XIRP2: variants seen among roughly 807,000 people sequenced by gnomAD.
XIRP2 encodes the protein xin actin binding repeat containing 2.
A neutral mutation model predicts 277.0 loss-of-function variants in XIRP2; 236 were observed. That is an observed-to-expected ratio of 0.85 (90% CI 0.77 to 0.95). The LOEUF is 0.95. XIRP2 is among the 40% of genes least tolerant of loss of function. XIRP2 has a pLI of 0.00. For synonymous variants in XIRP2, 1,490 were observed against 1,416.5 expected (o/e 1.05, Z -1.17); for missense variants, 4,640 against 4,157.5 (o/e 1.12, Z -3.19).
At chr2:167,257,222 G>A (rs939870367) in intron 10 of XIRP2, among the ~76,000 whole-genome samples, 3 of 151,892 alleles carry the variant, frequency 2.0e-5, no homozygotes, top group Non-Finnish European at 4.4e-5. Flanking sequence ...TTTCTCCTTA[G>A]TTCTTTGTAT....
At chr2:167,127,691 C>T (rs1265083373) in intron 2 of XIRP2, among the ~76,000 whole-genome samples, 2 of 152,168 alleles carry the variant, frequency 1.3e-5, no homozygotes, top group African/African-American at 4.8e-5. Context: ...GACGTATTCA[C>T]CTGGATGTCT....
At chr2:167,090,864 A>G (rs1257582411) in intron 2 of XIRP2, among the ~76,000 whole-genome samples, 11 of 152,096 alleles carry the variant, frequency 7.2e-5, no homozygotes, top group Non-Finnish European at 1.0e-4. Flanking sequence ...CTGCCCCCAT[A>G]ACCCAAACAC....
At chr2:167,157,979 G>A (rs192734457) in intron 3 of XIRP2, among the ~76,000 whole-genome samples, 43 of 152,136 alleles carry the variant, frequency 2.8e-4, no homozygotes, top group Admixed American at 1.2e-3. Flanking sequence ...GAAAATAAAA[G>A]GCATTAAATA....
At chr2:167,100,917 T>C (rs1412129704) in intron 2 of XIRP2, among the ~76,000 whole-genome samples, 1 of 152,224 alleles carries the variant, frequency 6.6e-6, no homozygotes, top group Non-Finnish European at 1.5e-5. Context: ...GAGATTTAGA[T>C]ATAAAAAGAA....
At chr2:166,926,990 C>T (rs1022706174) in intron 2 of XIRP2, among the ~76,000 whole-genome samples, 1 of 152,086 alleles carries the variant, frequency 6.6e-6, no homozygotes, top group Non-Finnish European at 1.5e-5. Flanking sequence ...GAGCATGGCT[C>T]ATTGAGCTGA....
intron 2 of XIRP2, among the ~76,000 whole-genome samples, chr2:167,029,770 C>G (rs893381659): frequency 3.3e-5 from 5 of 152,044 alleles, no homozygotes; most frequent in Non-Finnish European, 7.4e-5. Context: ...GGAATAGTTT[C>G]AGAAGGAATG....
At chr2:167,234,009 T>C (rs1259997996) in intron 5 of XIRP2, among the ~76,000 whole-genome samples, 1 of 151,638 alleles carries the variant, frequency 6.6e-6, no homozygotes, top group Non-Finnish European at 1.5e-5. Flanking sequence ...TGAGAGTGCA[T>C]CTTTTATATG....
chr2:166,952,961 T>C (rs186320678), intron 2 of XIRP2, among the ~76,000 whole-genome samples: 2 of 152,118 alleles, frequency 1.3e-5, no homozygotes, highest in South Asian at 2.1e-4. Flanking sequence ...AATTTAAAAA[T>C]TGCTTAGGCA....
chr2:167,002,625 G>A (rs533346842), intron 2 of XIRP2, among the ~76,000 whole-genome samples: 1 of 151,888 alleles, frequency 6.6e-6, no homozygotes. Flanking sequence ...CTTGTATTTT[G>A]TTATTACTTT....
intron 2 of XIRP2, among the ~76,000 whole-genome samples, chr2:167,003,933 T>A (rs944974767): frequency 2.6e-5 from 4 of 151,946 alleles, no homozygotes; most frequent in South Asian, 2.1e-4. Context: ...TTGTAAAAAA[T>A]TTAATTATTA....
chr2:167,216,756 C>A (rs982022314), intron 4 of XIRP2, among the ~76,000 whole-genome samples: 3 of 84,288 alleles, frequency 3.6e-5, no homozygotes, highest in Non-Finnish European at 6.0e-5. Flanking sequence ...CTAGAAATAC[C>A]ATTTGACCCA....
intron 2 of XIRP2, among the ~76,000 whole-genome samples, chr2:167,017,199 T>A (rs1687849170): frequency 6.6e-6 from 1 of 152,008 alleles, no homozygotes; most frequent in African/African-American, 2.4e-5. Flanking sequence ...CTCCCATTCC[T>A]GAAGTTGTTC....
intron 2 of XIRP2, among the ~76,000 whole-genome samples, chr2:166,949,076 G>A (rs1685959328): frequency 6.6e-6 from 1 of 151,780 alleles, no homozygotes; most frequent in Admixed American, 6.6e-5. Context: ...TGTTAATAAA[G>A]CAGCATTATG....
At chr2:167,170,073 A>G (rs1692639706) in intron 3 of XIRP2, among the ~76,000 whole-genome samples, 1 of 152,166 alleles carries the variant, frequency 6.6e-6, no homozygotes, top group South Asian at 2.1e-4. Context: ...GTTTCATATT[A>G]GTCTTTGTTG....
chr2:167,009,271 T>A (rs1574157302), intron 2 of XIRP2, among the ~76,000 whole-genome samples: 1 of 137,674 alleles, frequency 7.3e-6, no homozygotes, highest in Admixed American at 8.2e-5. Flanking sequence ...TGTCCATGTG[T>A]TCTCATTGTT....
intron 2 of XIRP2, among the ~76,000 whole-genome samples, chr2:167,051,106 A>T (rs1332603437): frequency 6.6e-6 from 1 of 151,894 alleles, no homozygotes; most frequent in African/African-American, 2.4e-5. Flanking sequence ...ATTTCCCTTC[A>T]TCTTCCCCTA....
chr2:166,930,091 T>G (rs75096484), intron 2 of XIRP2, among the ~76,000 whole-genome samples: 161 of 152,274 alleles, frequency 1.1e-3, no homozygotes, highest in Non-Finnish European at 1.7e-3. Context: ...CTTGTCCCAT[T>G]CTTTAATATG....
chr2:166,922,300 G>C lies in XIRP2; in HGVS notation c.408+18410G>C, dbSNP rs141432689. On this transcript the variant is annotated intron_variant, in intron 2 of 10. Coordinates refer to ENST00000409195, the MANE Select transcript of XIRP2 (RefSeq NM_152381.6). Reference sequence around the variant, plus strand: ...TGCCCTCTGTAATGTGCTGAGATTTGTTGTTGTTTGACCTGTTTGTCCTAC... The same window carrying C: ...TGCCCTCTGTAATGTGCTGAGATTTCTTGTTGTTTGACCTGTTTGTCCTAC... Among the ~76,000 whole-genome samples the C allele has an allele frequency of 1.5e-3, 221 of 152,196 alleles. 1 individual carries two copies. The highest frequency in any genetic ancestry group is 5.0e-3 in the African/African-American group (208 of 41,536).
intron 2 of XIRP2, among the ~76,000 whole-genome samples, chr2:166,980,333 C>A (rs971226187): frequency 3.9e-5 from 6 of 152,080 alleles, no homozygotes; most frequent in South Asian, 2.1e-4. Context: ...TAAATCCATT[C>A]TGACCATCTC....
Sources: gnomAD v4.1 joint callset for allele counts (sites outside exome capture counted in the v4.1 genomes callset) on GRCh38, gnomAD v4.1.1 for gene constraint, MANE v1.5 for transcripts, NCBI Gene and HGNC (gene_info 2026-07-23, HGNC 2026-07-21) for gene names.